MYMK: variants seen among roughly 807,000 people sequenced by gnomAD.
The protein encoded by MYMK is myomaker, myoblast fusion factor.
Under a neutral mutation model 22.4 loss-of-function variants are expected in MYMK, and 16 were observed. The observed-to-expected ratio is 0.72, with a 90% CI of 0.48 to 1.09. The LOEUF (loss-of-function observed/expected upper bound fraction) is 1.09. Ranked by LOEUF, MYMK falls within the 50% of genes least tolerant of loss-of-function variation. MYMK has a pLI of 0.00. For synonymous variants in MYMK, 125 were observed against 127.0 expected (o/e 0.98, Z 0.11); for missense variants, 250 against 295.6 (o/e 0.85, Z 1.13).
In MYMK at chr9:133,515,187, G is replaced by A. The variant is rs1417844064; in HGVS notation, c.516+304C>T. On this transcript the variant is annotated intron_variant, in intron 4 of 4. Coordinates refer to ENST00000339996, the MANE Select transcript of MYMK (RefSeq NM_001080483.3). The surrounding 1 kb of genome is among the most constrained non-coding windows in gnomAD (Gnocchi z 5.8). The stretch of plus-strand genomic sequence containing the variant: ...CCCTCCCTCCCTCCCTCCTCCAGGT[G>A]TTGGGCACCTGCCCCAGGCGTCTCC... 6.7e-6 allele frequency among the ~76,000 whole-genome samples: 1 copy of A among 149,216 alleles called. No individual in the cohort carries two copies. Among genetic ancestry groups the A allele is most frequent in the Non-Finnish European group, 1.5e-5 (1 of 67,462 alleles).
chr9:133,518,932 C>T lies in MYMK; in HGVS notation c.341G>A (p.Gly114Asp), dbSNP rs1353983592. The T allele has an allele frequency of 6.2e-7, 1 of 1,613,854 alleles. No individual in the cohort carries two copies. The highest frequency in any genetic ancestry group is 1.1e-5 in the South Asian group (1 of 91,066). Residue 114 changes from glycine to aspartate, a missense_variant, in exon 3 of 5, where the codon GGC becomes GAC. Gly to Asp is a moderately conservative substitution (Grantham distance 94). Coordinates refer to ENST00000339996, the MANE Select transcript of MYMK (RefSeq NM_001080483.3). Reference sequence around the variant, plus strand: ...GATGGGGCCCGAGTACACCCCGTAGCCCCATCGGTCATGGTAGATCCGCAC... The same window carrying T: ...GATGGGGCCCGAGTACACCCCGTAGTCCCATCGGTCATGGTAGATCCGCAC... ...IAVRIYHDRWGYGVYSGPIGT... is the reference protein window; with the variant it reads ...IAVRIYHDRWDYGVYSGPIGT...
Position 133,520,229 on chromosome 9 carries a change from G to A in MYMK, c.195C>T (p.Ile65=). The A allele has an allele frequency of 6.2e-7, 1 of 1,614,128 alleles. No individual in the cohort carries two copies. The highest frequency in any genetic ancestry group is 8.5e-7 in the Non-Finnish European group (1 of 1,180,022). The part of the protein sequence containing the change: ...LSVLCFMRHD[I]LEYFSVYGTA... ...TCCCGTAGACACTGAAATACTCCAG[G>A]ATGTCGTGACGCATGAAGCACAGCA... is the stretch of plus-strand genomic sequence containing the variant. The change falls in exon 2 of 5, where the codon ATC becomes ATT. Residue 65 remains isoleucine, a synonymous_variant. Transcript: ENST00000339996.
intron 3 of MYMK, among the ~76,000 whole-genome samples, chr9:133,517,474 G>A (rs917996559): frequency 3.9e-5 from 6 of 152,102 alleles, no homozygotes; most frequent in African/African-American, 7.2e-5. Context: ...AGGACCAGCC[G>A]GGCCAACGTG....
In MYMK at chr9:133,524,839, C is replaced by A; in HGVS notation, c.6G>T (p.Gly2=). 1 of 1,609,100 alleles carries A rather than the reference C, an allele frequency of 6.2e-7. No homozygotes were observed. Among genetic ancestry groups the A allele is most frequent in the Non-Finnish European group, 8.5e-7 (1 of 1,177,510 alleles). Residue 2 remains glycine, a synonymous_variant, in exon 1 of 5, where the codon GGG becomes GGT. Coordinates refer to ENST00000339996, the MANE Select transcript of MYMK (RefSeq NM_001080483.3). ...GCAGGAGCAGCTTGGCCACCAGCGT[C>A]CCCATGGGCCAGGAGGAAAGCACTG... M[G]TLVAKLLLPT...
At chr9:133,522,416 C>G (rs1468826147) in intron 1 of MYMK, among the ~76,000 whole-genome samples, 3 of 152,074 alleles carry the variant, frequency 2.0e-5, no homozygotes, top group African/African-American at 7.2e-5. Flanking sequence ...AGCAAGGTGT[C>G]CGGCACAGAG....
chr9:133,518,807 G>A (rs1330645401), intron 3 of MYMK, 67 bp downstream of exon 3: 6 of 1,557,792 alleles, frequency 3.9e-6, no homozygotes, highest in Admixed American at 1.8e-5. Flanking sequence ...GAGGCAGGAG[G>A]AGTCAGACAG....
intron 2 of MYMK, among the ~76,000 whole-genome samples, chr9:133,519,871 C>T (rs761358843): frequency 3.3e-5 from 5 of 152,304 alleles, no homozygotes; most frequent in Admixed American, 6.5e-5. Flanking sequence ...GAAGGAGTGA[C>T]GGGAGGGAGC....
chr9:133,522,350 G>GA (rs1844712359), intron 1 of MYMK, among the ~76,000 whole-genome samples: 1 of 151,788 alleles, frequency 6.6e-6, no homozygotes, highest in African/African-American at 2.4e-5. Context: ...TGTCGGGGGG[G>GA]GGCCTCCTCT....
intron 1 of MYMK, among the ~76,000 whole-genome samples, chr9:133,522,232 A>T (rs1048016583): frequency 1.3e-5 from 2 of 152,070 alleles, no homozygotes; most frequent in Non-Finnish European, 2.9e-5. Flanking sequence ...GACCTGGCCC[A>T]GCCGGGGCAC....
At position 133,515,621 on chromosome 9, in the gene MYMK, A is replaced by G. The variant is rs1159072106; in HGVS notation, c.400-14T>C. The G allele has an allele frequency of 3.2e-6, 5 of 1,567,952 alleles. No homozygotes were observed. In the African/African-American group the frequency reaches 4.1e-5, roughly 13 times the overall value. ...CATCTTCTGTAGCTGTGAGGACAGG[A>G]GGCCACAGCAAAGCTTTTAGGTCAC... On this transcript the variant is annotated splice_polypyrimidine_tract_variant and intron_variant, in intron 3 of 4. Transcript: ENST00000339996. The surrounding 1 kb of genome is among the most constrained non-coding windows in gnomAD (Gnocchi z 5.8).
chr9:133,523,333 G>A (rs1349795030), intron 1 of MYMK, among the ~76,000 whole-genome samples: 5 of 152,242 alleles, frequency 3.3e-5, no homozygotes, highest in Non-Finnish European at 1.5e-5. Flanking sequence ...TGCTGGAGAA[G>A]GAGGCTGTCT....
Position 133,523,211 on chromosome 9 carries a change from A to T in MYMK, c.135+1499T>A, listed in dbSNP as rs543948884. Among the ~76,000 whole-genome samples, 4 of 152,372 alleles carry T rather than the reference A, an allele frequency of 2.6e-5. No homozygotes were observed. In the East Asian group the frequency reaches 7.7e-4, roughly 29 times the overall value. On this transcript the variant is annotated intron_variant, in intron 1 of 4. Coordinates refer to ENST00000339996, the MANE Select transcript of MYMK (RefSeq NM_001080483.3). Reference sequence around the variant, plus strand: ...CTTGACCAATTCAGGATACAAGCATAACATGTGAATATATGCTTGCAAACA... The same window carrying T: ...CTTGACCAATTCAGGATACAAGCATTACATGTGAATATATGCTTGCAAACA...
chr9:133,518,907 G>T lies in MYMK; in HGVS notation c.366C>A (p.Ile122=), dbSNP rs565261423. 6.2e-7 allele frequency: 1 copy of T among 1,613,538 alleles called. No homozygotes were observed. Among genetic ancestry groups the T allele is most frequent in the Admixed American group, 1.7e-5 (1 of 60,014 alleles). ...RWGYGVYSGP[I]GTAILIIAAK... is the part of the protein sequence containing the mutation. The stretch of plus-strand genomic sequence containing the variant: ...CCGCGATGATGAGGATGGCTGTGCC[G>T]ATGGGGCCCGAGTACACCCCGTAGC... The change falls in exon 3 of 5, where the codon ATC becomes ATA. Residue 122 remains isoleucine (I), a synonymous_variant. Transcript: ENST00000339996.
chr9:133,514,829 C>T (rs764570746), intron 4 of MYMK, 44 bp from the exon 5 acceptor site: 7 of 1,587,886 alleles, frequency 4.4e-6, no homozygotes, highest in South Asian at 3.4e-5. Context: ...GCCCCCTCCC[C>T]GAGGCTCCTC....
At chr9:133,517,000 G>A (rs1844638350) in intron 3 of MYMK, among the ~76,000 whole-genome samples, 1 of 152,154 alleles carries the variant, frequency 6.6e-6, no homozygotes, top group Non-Finnish European at 1.5e-5. Context: ...CCCCAGATGC[G>A]GGGAGGCGGG....
In MYMK at chr9:133,520,259, CA is replaced by C; in HGVS notation, c.164del (p.Leu55CysfsTer22). 6.2e-7 allele frequency: 1 copy of C among 1,614,168 alleles called. No homozygotes were observed. Among genetic ancestry groups the C allele is most frequent in the Non-Finnish European group, 8.5e-7 (1 of 1,180,036 alleles). On this transcript the variant is annotated frameshift_variant, in exon 2 of 5. Transcript: ENST00000339996. LOFTEE classifies it high-confidence loss of function. ...CGTGACGCATGAAGCACAGCACAGA[CA>C]AGCCGGGTCCATTGCAGGCATGGTG... ...ALHHACNGPG[L>X]SVLCFMRHDI...
chr9:133,519,865 G>T (rs1844677233), intron 2 of MYMK, among the ~76,000 whole-genome samples: 1 of 152,222 alleles, frequency 6.6e-6, no homozygotes, highest in Non-Finnish European at 1.5e-5. Flanking sequence ...CCCAGGGAAG[G>T]AGTGACGGGA....
rs550112792 is a variant in MYMK at position 133,524,809 on chromosome 9, G to T, written c.36C>A (p.Thr12=). The change falls in exon 1 of 5, where the codon ACC becomes ACA. Residue 12 remains threonine (T), a synonymous_variant. Coordinates refer to ENST00000339996, the MANE Select transcript of MYMK (RefSeq NM_001080483.3). ...GTLVAKLLLP[T]LSSLAFLPTV... ...TGGGGAGGAAGGCCAGGCTGCTGAG[G>T]GTGGGCAGGAGCAGCTTGGCCACCA... The T allele has an allele frequency of 6.2e-7, 1 of 1,613,534 alleles. No homozygotes were observed. Among genetic ancestry groups the T allele is most frequent in the South Asian group, 1.1e-5 (1 of 91,054 alleles).
chr9:133,515,043 A>C lies in MYMK; in HGVS notation c.517-258T>G. On this transcript the variant is annotated intron_variant, in intron 4 of 4. Coordinates refer to ENST00000339996, the MANE Select transcript of MYMK (RefSeq NM_001080483.3). This position sits in a 1 kb window ranked among gnomAD's most constrained non-coding sequence, Gnocchi z 5.8. ...CTCTCTGCTGTCCTTCTCTTCCTCC[A>C]TCCTTCTCTCCCTCCTACCCTCCCT... 3.5e-5 allele frequency among the ~76,000 whole-genome samples: 5 copies of C among 144,808 alleles called. No individual in the cohort carries two copies. Among genetic ancestry groups the C allele is most frequent in the Admixed American group, 6.9e-5 (1 of 14,494 alleles). The allele number at this position is 144,808 out of a possible 152,430, so 95.0% of individuals were successfully genotyped here. A position where few individuals can be genotyped will look rare whatever the true frequency, so the allele number is the denominator to read the frequency against.
Sources: allele counts gnomAD v4.1 joint callset (sites outside exome capture counted in the v4.1 genomes callset), GRCh38; gene constraint gnomAD v4.1.1; non-coding constraint Gnocchi (gnomAD v3.1); transcripts MANE v1.5; gene names NCBI Gene and HGNC (gene_info 2026-07-23, HGNC 2026-07-21).